Variants in DAO observed in about 807,000 individuals in gnomAD.
DAO encodes D-amino acid oxidase, also known as D-amino-acid oxidase.
A neutral mutation model predicts 50.1 loss-of-function variants in DAO; 51 were observed. The observed-to-expected ratio is 1.02, with a 90% CI of 0.81 to 1.29. The LOEUF is 1.29. Among genes scored for constraint, DAO ranks in the 50% most tolerant of loss-of-function variants. DAO has a pLI of 0.00. For synonymous variants in DAO, 160 were observed against 166.2 expected, an observed-to-expected ratio of 0.96 and a Z score of 0.29; for missense variants, 436 against 439.4, an observed-to-expected ratio of 0.99 and a Z score of 0.07.
chr12:108,891,788 T>G (rs959057065), intron 5 of DAO, among the ~76,000 whole-genome samples: 1 of 152,008 alleles, frequency 6.6e-6, no homozygotes, highest in African/African-American at 2.4e-5. Context: ...TTTGTAGAGA[T>G]AGGGTCTCAC....
intron 5 of DAO, among the ~76,000 whole-genome samples, chr12:108,892,338 T>G (rs2039500884): frequency 6.6e-6 from 1 of 151,822 alleles, no homozygotes; most frequent in African/African-American, 2.4e-5. Flanking sequence ...AATTTTTTTT[T>G]TGTATTGTTA....
At chr12:108,895,591 C>T (rs1346832779) in intron 7 of DAO, among the ~76,000 whole-genome samples, 1 of 111,996 alleles carries the variant, frequency 8.9e-6, no homozygotes, top group Non-Finnish European at 1.8e-5. Flanking sequence ...AGTGTATGTA[C>T]GTGTGTGATG....
At chr12:108,898,836 G>A (rs370998486) in intron 9 of DAO, 40 bp downstream of exon 9, 98 of 1,394,840 alleles carry the variant, frequency 7.0e-5, no homozygotes, top group Middle Eastern at 3.5e-4. Flanking sequence ...AACCAAGGTC[G>A]TGGGAGCTTG....
intron 8 of DAO, 78 bp from the exon 9 acceptor site, chr12:108,898,601 A>G (rs2039587429): frequency 8.3e-6 from 8 of 962,444 alleles, no homozygotes; most frequent in South Asian, 3.9e-5. Flanking sequence ...CAGAGGTGAC[A>G]AGGTTGATGG....
At chr12:108,890,355 G>A in intron 5 of DAO, 82 bp downstream of exon 5, 2 of 1,066,002 alleles carry the variant, frequency 1.9e-6, no homozygotes, top group East Asian at 2.4e-5. Context: ...GCTTCCCTCA[G>A]CATGGACTAA....
At chr12:108,889,603 C>A in intron 4 of DAO, 58 bp downstream of exon 4, 3 of 1,322,286 alleles carry the variant, frequency 2.3e-6, no homozygotes, top group Non-Finnish European at 2.2e-6. Context: ...CAGACCTGTC[C>A]AGAAGGCAGC....
intron 5 of DAO, among the ~76,000 whole-genome samples, chr12:108,891,149 G>T (rs937838539): frequency 6.6e-6 from 1 of 151,988 alleles, no homozygotes; most frequent in African/African-American, 2.4e-5. Flanking sequence ...ATATATTACT[G>T]TTTTTTAAAG....
At position 108,881,474 on chromosome 12, in the gene DAO, AACACAC is replaced by A. The variant is rs59694062; in HGVS notation, c.-10+1281_-10+1286del. Among the ~76,000 whole-genome samples, 1,086 of 138,572 alleles carry A rather than the reference AACACAC, an allele frequency of 7.8e-3. 12 individuals are homozygous for A. Among genetic ancestry groups the A allele is most frequent in the African/African-American group, 0.026 (940 of 36,710 alleles). 90.9% of individuals were successfully genotyped at this position (138,572 alleles called of 152,430 possible). A position where few individuals can be genotyped will look rare whatever the true frequency, so the allele number is the denominator to read the frequency against. On this transcript the variant is annotated intron_variant, in intron 1 of 10. Transcript: ENST00000228476. ...CTCATGCATTTATTTTGTATTTTAAAACACACACACACACACACACACACACACACA... is the reference window on the plus strand; with the variant it reads ...CTCATGCATTTATTTTGTATTTTAAAACACACACACACACACACACACACA...
intron 2 of DAO, among the ~76,000 whole-genome samples, chr12:108,886,458 T>C (rs923683855): frequency 6.6e-6 from 1 of 152,058 alleles, no homozygotes; most frequent in African/African-American, 2.4e-5. Flanking sequence ...ACCCAATGAA[T>C]AGCAGCTCAA....
intron 6 of DAO, 119 bp from the exon 7 acceptor site, chr12:108,894,144 C>T (rs2039520888): frequency 6.4e-6 from 5 of 783,648 alleles, no homozygotes; most frequent in East Asian, 5.4e-5. Context: ...ATTGAGACCT[C>T]TCCCCACTGT....
At chr12:108,881,525 T>C (rs542766244) in intron 1 of DAO, among the ~76,000 whole-genome samples, 2 of 150,454 alleles carry the variant, frequency 1.3e-5, no homozygotes, top group Non-Finnish European at 2.9e-5. Flanking sequence ...CTATAATCAG[T>C]GTCAACTTTG....
At chr12:108,882,641 C>T (rs4964766) in intron 1 of DAO, among the ~76,000 whole-genome samples, 48,886 of 151,970 alleles carry the variant, frequency 0.32, 9,703 homozygotes, top group African/African-American at 0.53. Flanking sequence ...GGACCCTCAG[C>T]CCTGGGCAAG....
At position 108,894,208 on chromosome 12, in the gene DAO, A is replaced by G. The variant is rs3825251; in HGVS notation, c.508-55A>G. 244,818 of 1,319,388 alleles carry G rather than the reference A, an allele frequency of 0.19. 28,337 individuals carry two copies. Among genetic ancestry groups the G allele is most frequent in the East Asian group, 0.47 (19,735 of 41,784 alleles). The allele number at this position is 1,319,388 out of a possible 1,614,324, so 81.7% of individuals were successfully genotyped here. On this transcript the variant is annotated intron_variant, in intron 6 of 10. Transcript: ENST00000228476. The stretch of plus-strand genomic sequence containing the variant: ...GAAGAAAGGGGAAGAGAGAACAGGG[A>G]ATACCAGGGTCTTCCCCACCTTTCA...
intron 3 of DAO, 105 bp from the exon 4 acceptor site, chr12:108,889,364 C>T: frequency 2.7e-6 from 2 of 743,672 alleles, no homozygotes; most frequent in Non-Finnish European, 4.8e-6. Flanking sequence ...CCCATCTCAG[C>T]TTCCCAAAGT....
intron 1 of DAO, among the ~76,000 whole-genome samples, chr12:108,881,162 T>TCTCACA (rs1555244702): frequency 1.4e-5 from 2 of 139,230 alleles, no homozygotes; most frequent in Admixed American, 1.4e-4. Flanking sequence ...GACATTCTAA[T>TCTCACA]CACACACACA....
intron 8 of DAO, among the ~76,000 whole-genome samples, chr12:108,898,246 G>C (rs1387124915): frequency 6.6e-6 from 1 of 152,118 alleles, no homozygotes; most frequent in Non-Finnish European, 1.5e-5. Context: ...GTGTGATTGG[G>C]AGTGGGGATG....
Position 108,894,332 on chromosome 12 carries a change from C to A in DAO, c.577C>A (p.Pro193Thr). 6.2e-7 allele frequency: 1 copy of A among 1,613,962 alleles called. No homozygotes were observed. Among genetic ancestry groups the A allele is most frequent in the Non-Finnish European group, 8.5e-7 (1 of 1,179,966 alleles). ...ATGGGCTGGGGCGCTACAACGAGAC[C>A]CCCTGCTGCAGCCAGGCCGGGGGCA... The part of the protein sequence containing the change: ...GVWAGALQRD[P>T]LLQPGRGQIM... The change falls in exon 7 of 11, where the codon CCC becomes ACC. Residue 193 changes from proline to threonine, a missense_variant. Pro to Thr is a conservative substitution (Grantham distance 38). Coordinates refer to ENST00000228476, the MANE Select transcript of DAO (RefSeq NM_001917.5).
At chr12:108,894,882 A>AT (rs984320472) in intron 7 of DAO, among the ~76,000 whole-genome samples, 5 of 151,832 alleles carry the variant, frequency 3.3e-5, no homozygotes, top group Admixed American at 6.6e-5. Flanking sequence ...TGCTCAGCCA[A>AT]TTTTTTTATT....
Position 108,881,601 on chromosome 12 carries a change from A to ATTT in DAO, c.-10+1397_-10+1399dup, listed in dbSNP as rs34780883. Among the ~76,000 whole-genome samples the ATTT allele has an allele frequency of 8.6e-3, 849 of 99,158 alleles. 38 individuals are homozygous for ATTT. Among genetic ancestry groups the ATTT allele is most frequent in the East Asian group, 0.05 (186 of 3,704 alleles). The allele number at this position is 99,158 out of a possible 152,430, so 65.1% of individuals were successfully genotyped here. A position where few individuals can be genotyped will look rare whatever the true frequency, so the allele number is the denominator to read the frequency against. On this transcript the variant is annotated intron_variant, in intron 1 of 10. Transcript: ENST00000228476. ...AGGACTCACACTTTTTTCCTTTTAA[A>ATTT]TTTTTTTTTTTTTTTTTTTTTTGAC...
Sources: allele counts gnomAD v4.1 joint callset (sites outside exome capture counted in the v4.1 genomes callset), GRCh38; gene constraint gnomAD v4.1.1; transcripts MANE v1.5; gene names NCBI Gene and HGNC (gene_info 2026-07-23, HGNC 2026-07-21).